P2RX5: variants seen among roughly 807,000 people sequenced by gnomAD.
The protein encoded by P2RX5 is P2X purinoceptor 5.
A neutral mutation model predicts 54.1 loss-of-function variants in P2RX5; 46 were observed. The observed-to-expected ratio is 0.85, with a 90% CI of 0.67 to 1.09. P2RX5 has a LOEUF of 1.09. Ranked by LOEUF, P2RX5 falls within the 50% of genes least tolerant of loss-of-function variation. P2RX5 has a pLI of 0.00. For synonymous variants in P2RX5, 226 were observed against 226.4 expected (o/e 1.00, Z 0.02); for missense variants, 566 against 549.8 (o/e 1.03, Z -0.29).
chr17:3,721,345 C>T, the P2RX5 span, among the ~76,000 whole-genome samples: 1 of 137,818 alleles, frequency 7.3e-6, no homozygotes, highest in Non-Finnish European at 1.5e-5. Context: ...AATCATAGCT[C>T]ACTGAAGCTT....
intron 6 of P2RX5, among the ~76,000 whole-genome samples, 194 bp downstream of exon 6, chr17:3,689,858 GCACGCACACACGCGAACA>G (rs2050554814): frequency 6.6e-6 from 1 of 151,076 alleles, no homozygotes; most frequent in Admixed American, 6.6e-5. Context: ...ACGCGTGCAC[GCACGCACACACGCGAACA>G]CACGCACACA....
intron 6 of P2RX5, among the ~76,000 whole-genome samples, chr17:3,689,838 ACACGCACACACGCGTGCACG>A (rs1188996803): frequency 2.6e-5 from 4 of 152,162 alleles, no homozygotes; most frequent in African/African-American, 9.7e-5. Flanking sequence ...CATCACACAC[ACACGCACACACGCGTGCACG>A]CACGCACACA....
the P2RX5 span, among the ~76,000 whole-genome samples, chr17:3,705,037 G>A: frequency 3.4e-4 from 52 of 152,174 alleles, no homozygotes; most frequent in African/African-American, 1.3e-3. Context: ...AATCAAACTC[G>A]AGTCAACCAA....
At chr17:3,693,603 T>G (rs2050677384) in intron 1 of P2RX5, among the ~76,000 whole-genome samples, 1 of 152,086 alleles carries the variant, frequency 6.6e-6, no homozygotes, top group Non-Finnish European at 1.5e-5. Flanking sequence ...CCAGGCATGG[T>G]GGCCCATGCC....
intron 11 of P2RX5, among the ~76,000 whole-genome samples, chr17:3,679,262 T>C (rs1335497679): frequency 1.3e-5 from 2 of 152,154 alleles, no homozygotes; most frequent in Admixed American, 1.3e-4. Context: ...TTCAGTTGCT[T>C]ACATGAGTTA....
chr17:3,685,356 C>T (rs2050412544), intron 9 of P2RX5, among the ~76,000 whole-genome samples: 1 of 152,196 alleles, frequency 6.6e-6, no homozygotes, highest in Non-Finnish European at 1.5e-5. Flanking sequence ...GCGTGAAATC[C>T]CAGAAAGCCC....
the P2RX5 span, chr17:3,721,647 G>T: frequency 6.6e-6 from 1 of 151,910 alleles, no homozygotes; most frequent in South Asian, 2.1e-4. Flanking sequence ...TTCTTCAGTT[G>T]AGACCTCACA....
At chr17:3,706,426 A>G in the P2RX5 span, among the ~76,000 whole-genome samples, 1 of 152,134 alleles carries the variant, frequency 6.6e-6, no homozygotes, top group East Asian at 1.9e-4. Flanking sequence ...TAATTCCACC[A>G]GAGCAGTAAG....
intron 9 of P2RX5, among the ~76,000 whole-genome samples, chr17:3,683,487 C>A (rs1358134996): frequency 6.6e-6 from 1 of 152,162 alleles, no homozygotes; most frequent in Non-Finnish European, 1.5e-5. Flanking sequence ...GATCCCAGCA[C>A]TGGGAGGCCG....
chr17:3,688,196 G>T, intron 8 of P2RX5, 91 bp from the exon 9 acceptor site: 2 of 754,378 alleles, frequency 2.7e-6, no homozygotes, highest in South Asian at 1.5e-5. Flanking sequence ...GACTTAGAAG[G>T]ACTCCCGGAA....
At chr17:3,692,072 A>G in intron 1 of P2RX5, 1 of 452,300 alleles carries the variant, frequency 2.2e-6, no homozygotes, top group Non-Finnish European at 4.1e-6. Flanking sequence ...CTATAATCCG[A>G]GGCAGGCAGA....
At chr17:3,693,914 G>A (rs2050687237) in intron 1 of P2RX5, among the ~76,000 whole-genome samples, 1 of 151,268 alleles carries the variant, frequency 6.6e-6, no homozygotes, top group Admixed American at 6.6e-5. Context: ...ACATGCGCTC[G>A]CCACCACACC....
At chr17:3,703,341 A>G in the P2RX5 span, among the ~76,000 whole-genome samples, 42 of 152,078 alleles carry the variant, frequency 2.8e-4, no homozygotes, top group African/African-American at 9.6e-4. Context: ...TCTTGTTTCT[A>G]CCTAAAAAAA....
chr17:3,718,160 T>C, the P2RX5 span: 3 of 150,334 alleles, frequency 2.0e-5, no homozygotes, highest in Non-Finnish European at 4.4e-5. Context: ...GGAATCATCG[T>C]TGGTCTCAGG....
At chr17:3,697,864 C>G (rs1490379374), upstream of P2RX5, among the ~76,000 whole-genome samples, 1 of 152,054 alleles carries the variant, frequency 6.6e-6, no homozygotes, top group African/African-American at 2.4e-5. Context: ...TCATCTTATT[C>G]CCTTAGAGCA....
chr17:3,707,727 A>G, the P2RX5 span, among the ~76,000 whole-genome samples: 4 of 151,972 alleles, frequency 2.6e-5, no homozygotes, highest in East Asian at 5.8e-4. Context: ...CTGTGCCCCC[A>G]GGACTGCAAC....
chr17:3,700,826 T>A (rs143462167), upstream of P2RX5, among the ~76,000 whole-genome samples: 1,575 of 152,210 alleles, frequency 0.01, 28 homozygotes, highest in African/African-American at 0.036. Context: ...CCTCCTCCTC[T>A]CTCTCCTGCT....
intron 10 of P2RX5, 148 bp from the exon 11 acceptor site, chr17:3,679,932 G>C (rs566043019): frequency 1.4e-4 from 99 of 698,596 alleles, no homozygotes; most frequent in Non-Finnish European, 2.0e-4. Flanking sequence ...CTTCCTCCAT[G>C]CGGCTCCCTC....
At chr17:3,676,367 A>G in intron 11 of P2RX5, 1 of 985,426 alleles carries the variant, frequency 1.0e-6, no homozygotes, top group Non-Finnish European at 1.2e-6. Flanking sequence ...TTTCGGCAAA[A>G]TCAGGGAGCC....
Sources: gnomAD v4.1 joint callset for allele counts (sites outside exome capture counted in the v4.1 genomes callset) on GRCh38, gnomAD v4.1.1 for gene constraint, MANE v1.5 for transcripts, NCBI Gene and HGNC (gene_info 2026-07-23, HGNC 2026-07-21) for gene names.